The following SCFD2 variants were observed in gnomAD, a reference collection of about 807,000 sequenced individuals.
SCFD2 encodes sec1 family domain containing 2.
A neutral mutation model predicts 58.9 loss-of-function variants in SCFD2; 54 were observed. The ratio of observed to expected loss-of-function variants is 0.92; its 90% CI spans 0.74 to 1.15. SCFD2 has a LOEUF of 1.15. Among genes scored for constraint, SCFD2 ranks in the 50% most tolerant of loss-of-function variants. The pLI is 0.00. For synonymous variants in SCFD2, 321 were observed against 335.9 expected (o/e 0.96, Z 0.49); for missense variants, 805 against 836.6 (o/e 0.96, Z 0.47).
intron 5 of SCFD2, among the ~76,000 whole-genome samples, chr4:53,114,105 T>C (rs572973385): frequency 6.6e-6 from 1 of 152,240 alleles, no homozygotes; most frequent in South Asian, 2.1e-4. Context: ...CTTTAATTTC[T>C]TCATTTGTAA....
intron 5 of SCFD2, among the ~76,000 whole-genome samples, chr4:52,986,523 G>C (rs898916517): frequency 1.2e-4 from 16 of 136,338 alleles, no homozygotes; most frequent in African/African-American, 4.5e-4. Flanking sequence ...TTTTGAGACG[G>C]AGTCTCACTC....
At chr4:53,028,640 A>G (rs1722540515) in intron 5 of SCFD2, among the ~76,000 whole-genome samples, 1 of 152,152 alleles carries the variant, frequency 6.6e-6, no homozygotes, top group East Asian at 1.9e-4. Context: ...ATGGAAGAAA[A>G]GGGAGAGAGG....
At chr4:52,931,521 C>G (rs554919065) in intron 5 of SCFD2, among the ~76,000 whole-genome samples, 38 of 152,352 alleles carry the variant, frequency 2.5e-4, no homozygotes, top group African/African-American at 9.1e-4. Context: ...CACCACCCCC[C>G]TCCGCCTCCG....
At chr4:52,977,587 C>T (rs575948262) in intron 5 of SCFD2, among the ~76,000 whole-genome samples, 28 of 152,244 alleles carry the variant, frequency 1.8e-4, no homozygotes, top group African/African-American at 9.6e-5. Context: ...GAGGGTATTA[C>T]GTTTCCTTCT....
chr4:53,212,602 G>GTGTGTGTGTGTGTGTGTGTGTT lies in SCFD2; in HGVS notation c.1311+61223_1311+61224insAACACACACACACACACACACA, dbSNP rs57906429. Among the ~76,000 whole-genome samples the GTGTGTGTGTGTGTGTGTGTGTT allele has an allele frequency of 1.2e-3, 175 of 150,504 alleles. 3 individuals carry two copies. The highest frequency in any genetic ancestry group is 3.8e-3 in the African/African-American group (154 of 40,598). On this transcript the variant is annotated intron_variant, in intron 4 of 8. Transcript: ENST00000401642. ...TGTGTGTGTGTGTGTGTGTGTGTGT[G>GTGTGTGTGTGTGTGTGTGTGTT]TGTGTGCATGTGGTGTCTGTGTGTG...
intron 8 of SCFD2, among the ~76,000 whole-genome samples, chr4:52,879,128 T>C (rs1718546083): frequency 6.6e-6 from 1 of 152,146 alleles, no homozygotes; most frequent in Non-Finnish European, 1.5e-5. Context: ...TTTCACCTGC[T>C]AATAGCCAAG....
chr4:53,114,174 A>G (rs1725254260), intron 5 of SCFD2, among the ~76,000 whole-genome samples: 1 of 152,132 alleles, frequency 6.6e-6, no homozygotes, highest in African/African-American at 2.4e-5. Context: ...AAATGAGTTA[A>G]CTTGCACCTA....
intron 4 of SCFD2, among the ~76,000 whole-genome samples, chr4:53,230,634 A>AT (rs1577869954): frequency 9.9e-6 from 1 of 101,092 alleles, no homozygotes; most frequent in East Asian, 3.4e-4. Flanking sequence ...GGGTGGGGGG[A>AT]GGGGGAAGGA....
intron 4 of SCFD2, among the ~76,000 whole-genome samples, chr4:53,210,475 G>C (rs1333564073): frequency 6.6e-6 from 1 of 152,040 alleles, no homozygotes; most frequent in Admixed American, 6.6e-5. Context: ...GAAGCTATGT[G>C]ATGTGTGATA....
At chr4:53,105,299 T>G (rs1012466248) in intron 5 of SCFD2, among the ~76,000 whole-genome samples, 2 of 151,846 alleles carry the variant, frequency 1.3e-5, no homozygotes, top group Admixed American at 6.6e-5. Flanking sequence ...GAGTTTTTTT[T>G]CATACCCCAG....
chr4:53,296,372 G>T lies in SCFD2; in HGVS notation c.1135+17264C>A, dbSNP rs183200445. Among the ~76,000 whole-genome samples the T allele has an allele frequency of 1.1e-4, 16 of 152,250 alleles. No individual in the cohort carries two copies. In the East Asian group the frequency reaches 3.1e-3, roughly 29 times the overall value. On this transcript the variant is annotated intron_variant, in intron 3 of 8. Coordinates refer to ENST00000401642, the MANE Select transcript of SCFD2 (RefSeq NM_152540.4). ...CTTCCTGGTTTAGTCTTGGGAGCGT[G>T]TATGTGTCCAGGAATTTATCCATTT...
chr4:53,236,316 T>TAG (rs1729606409), intron 4 of SCFD2, among the ~76,000 whole-genome samples: 1 of 152,132 alleles, frequency 6.6e-6, no homozygotes, highest in South Asian at 2.1e-4. Flanking sequence ...CTCCTCCACT[T>TAG]ACAAGGTCTC....
intron 6 of SCFD2, among the ~76,000 whole-genome samples, chr4:52,908,390 G>A (rs185856559): frequency 3.2e-4 from 49 of 152,114 alleles, no homozygotes; most frequent in African/African-American, 1.1e-3. Flanking sequence ...TTCTTTTCTC[G>A]CTTGGTGGAC....
chr4:53,207,560 A>G (rs1419892725), intron 4 of SCFD2, among the ~76,000 whole-genome samples: 1 of 94,062 alleles, frequency 1.1e-5, no homozygotes, highest in East Asian at 2.9e-4. Context: ...ATTTATATAT[A>G]ATATATATAA....
intron 5 of SCFD2, among the ~76,000 whole-genome samples, chr4:53,057,523 G>A (rs1723378495): frequency 6.6e-6 from 1 of 151,882 alleles, no homozygotes; most frequent in Non-Finnish European, 1.5e-5. Flanking sequence ...GACACAGAGA[G>A]GGGAACAACA....
At chr4:53,246,675 A>C (rs1219875404) in intron 4 of SCFD2, among the ~76,000 whole-genome samples, 2 of 152,210 alleles carry the variant, frequency 1.3e-5, no homozygotes, top group Non-Finnish European at 2.9e-5. Flanking sequence ...CTTATACCAT[A>C]CATAAAAAAC....
intron 5 of SCFD2, among the ~76,000 whole-genome samples, chr4:53,122,179 C>A (rs1281751985): frequency 6.6e-6 from 1 of 152,092 alleles, no homozygotes; most frequent in Non-Finnish European, 1.5e-5. Flanking sequence ...CAGTTTGAGA[C>A]CAGCCTGGCC....
intron 4 of SCFD2, among the ~76,000 whole-genome samples, chr4:53,206,800 G>T (rs1212011941): frequency 1.3e-5 from 2 of 152,116 alleles, no homozygotes; most frequent in Non-Finnish European, 2.9e-5. Flanking sequence ...ACTGTGCAAA[G>T]TGAGGATCAT....
rs56263068 is a variant in SCFD2 at position 53,338,575 on chromosome 4, C to CTTTTTTTTTTTTTTTTTTTTTTTTTTT, written c.1007+14022_1007+14023insAAAAAAAAAAAAAAAAAAAAAAAAAAA. 6.9e-5 allele frequency among the ~76,000 whole-genome samples: 5 copies of CTTTTTTTTTTTTTTTTTTTTTTTTTTT among 72,296 alleles called. 1 individual carries two copies. The highest frequency in any genetic ancestry group is 7.4e-5 in the Non-Finnish European group (3 of 40,640). The allele number at this position is 72,296 out of a possible 152,430, so 47.4% of individuals were successfully genotyped here. On this transcript the variant is annotated intron_variant, in intron 2 of 8. Coordinates refer to ENST00000401642, the MANE Select transcript of SCFD2 (RefSeq NM_152540.4). ...GGCCAAAAGAAAGCAGTATATTTTT[C>CTTTTTTTTTTTTTTTTTTTTTTTTTTT]TTTTTTTTTTTTTTTTTTTTTGTGA...
Sources: allele counts gnomAD v4.1 joint callset (sites outside exome capture counted in the v4.1 genomes callset), GRCh38; gene constraint gnomAD v4.1.1; transcripts MANE v1.5; gene names NCBI Gene and HGNC (gene_info 2026-07-23, HGNC 2026-07-21).